CRACD: variants seen among roughly 807,000 people sequenced by gnomAD.
CRACD encodes the protein capping protein inhibiting regulator of actin dynamics, also known as capping protein-inhibiting regulator of actin dynamics.
CRACD carries 56 observed loss-of-function variants against 106.8 expected under a neutral mutation model. The ratio of observed to expected loss-of-function variants is 0.52; its 90% CI spans 0.42 to 0.66. CRACD has a LOEUF of 0.66. CRACD is among the 30% of genes least tolerant of loss of function. CRACD has a pLI of 0.00. For synonymous variants in CRACD, 754 were observed against 670.8 expected (o/e 1.12, Z -1.92); for missense variants, 1,730 against 1,623.2 (o/e 1.07, Z -1.13).
intron 2 of CRACD, among the ~76,000 whole-genome samples, chr4:56,245,695 G>T (rs1222090534): frequency 6.6e-6 from 1 of 152,184 alleles, no homozygotes; most frequent in Non-Finnish European, 1.5e-5. Context: ...CTTTGGCTGG[G>T]ACAAACTGTT....
At chr4:56,086,538 A>G (rs1733225310) in intron 1 of CRACD, among the ~76,000 whole-genome samples, 1 of 152,118 alleles carries the variant, frequency 6.6e-6, no homozygotes, top group East Asian at 1.9e-4. Flanking sequence ...GAATATGCTG[A>G]CATTTTTGTT....
intron 2 of CRACD, among the ~76,000 whole-genome samples, chr4:56,227,622 C>A (rs4865068): frequency 0.13 from 20,190 of 152,074 alleles, 2,215 homozygotes; most frequent in East Asian, 0.58. Context: ...GCCACATAGA[C>A]CGGCTGCAGC....
At chr4:56,208,919 A>C (rs1738264711) in intron 2 of CRACD, among the ~76,000 whole-genome samples, 1 of 152,202 alleles carries the variant, frequency 6.6e-6, no homozygotes, top group Admixed American at 6.5e-5. Context: ...GAGGAGACGC[A>C]GTTTTCCAAA....
intron 1 of CRACD, among the ~76,000 whole-genome samples, chr4:56,124,834 G>A (rs1734607321): frequency 6.6e-6 from 1 of 152,130 alleles, no homozygotes. Flanking sequence ...GGGGATAGTA[G>A]AACAATTGTG....
intron 1 of CRACD, among the ~76,000 whole-genome samples, chr4:56,147,075 C>A (rs1735413660): frequency 6.6e-6 from 1 of 152,118 alleles, no homozygotes; most frequent in Admixed American, 6.5e-5. Flanking sequence ...TTTGCATCAT[C>A]CTGACTTAGG....
chr4:56,217,387 C>G (rs560820126), intron 2 of CRACD, among the ~76,000 whole-genome samples: 1 of 126,782 alleles, frequency 7.9e-6, no homozygotes, highest in South Asian at 2.8e-4. Flanking sequence ...AGATATCAAT[C>G]AATACATGTA....
At chr4:56,195,467 A>C (rs1364253896) in intron 2 of CRACD, among the ~76,000 whole-genome samples, 1 of 152,192 alleles carries the variant, frequency 6.6e-6, no homozygotes, top group Non-Finnish European at 1.5e-5. Flanking sequence ...GAAGGTATTA[A>C]GACAATTTAG....
rs1448075943 is a variant in CRACD, at chr4:56,068,197, ACAAAGAG to A, written c.-336+18900_-336+18906del. ...GCGTCTCTGAGAAGCTGACATTCGA[ACAAAGAG>A]CTGCAGGCAGTAGAAGAGCAAGAAG... On this transcript the variant is annotated intron_variant, in intron 1 of 10. Transcript: ENST00000682029. Among the ~76,000 whole-genome samples, 11 of 152,306 alleles carry A rather than the reference ACAAAGAG, an allele frequency of 7.2e-5. No individual in the cohort carries two copies. In the South Asian group the frequency reaches 8.3e-4, roughly 11 times the overall value.
rs972584567 is a variant in CRACD at position 56,234,633 on chromosome 4, G to GAA, written c.-188-37687_-188-37686dup. 9.7e-4 allele frequency among the ~76,000 whole-genome samples: 148 copies of GAA among 152,220 alleles called. 1 individual carries two copies. The highest frequency in any genetic ancestry group is 3.3e-3 in the African/African-American group (137 of 41,546). On this transcript the variant is annotated intron_variant, in intron 2 of 10. Transcript: ENST00000682029. ...AGAAAATAGTGAAACAAAGCTTAGA[G>GAA]AAGAATGATTAAAGAGTCAACCAAG...
intron 2 of CRACD, among the ~76,000 whole-genome samples, chr4:56,206,224 A>G (rs1189490339): frequency 1.3e-5 from 2 of 152,236 alleles, no homozygotes; most frequent in African/African-American, 4.8e-5. Flanking sequence ...CATAAATAAC[A>G]TAATTTATTT....
chr4:56,255,439 A>G (rs1205683584), intron 2 of CRACD, among the ~76,000 whole-genome samples: 1 of 151,976 alleles, frequency 6.6e-6, no homozygotes, highest in African/African-American at 2.4e-5. Context: ...AATTTTTAAC[A>G]GTTCATGGTT....
intron 10 of CRACD, among the ~76,000 whole-genome samples, chr4:56,326,803 G>A (rs1195446105): frequency 4.6e-5 from 7 of 151,072 alleles, no homozygotes; most frequent in South Asian, 2.1e-4. Flanking sequence ...GCAGTGGTGC[G>A]ATGTCGATTC....
At chr4:56,065,151 G>C (rs763062206) in intron 1 of CRACD, among the ~76,000 whole-genome samples, 2 of 151,758 alleles carry the variant, frequency 1.3e-5, no homozygotes, top group Admixed American at 1.3e-4. Context: ...GCAATGACAT[G>C]ATCTCAGCTC....
chr4:56,225,239 G>A (rs1040944635), intron 2 of CRACD, among the ~76,000 whole-genome samples: 6 of 151,956 alleles, frequency 3.9e-5, no homozygotes, highest in African/African-American at 1.2e-4. Flanking sequence ...ATTATAGTAC[G>A]TACCACCATG....
chr4:56,216,463 C>T (rs1266414048), intron 2 of CRACD, among the ~76,000 whole-genome samples: 1 of 152,064 alleles, frequency 6.6e-6, no homozygotes, highest in Non-Finnish European at 1.5e-5. Flanking sequence ...ACAGCTGTTC[C>T]AATCTCATCT....
chr4:56,070,074 AAAAG>A (rs1417671609), intron 1 of CRACD, among the ~76,000 whole-genome samples: 4 of 152,216 alleles, frequency 2.6e-5, no homozygotes, highest in African/African-American at 9.6e-5. Context: ...CAGCTACACA[AAAAG>A]AAAGAAAAAT....
intron 1 of CRACD, among the ~76,000 whole-genome samples, chr4:56,150,735 A>G (rs1051471877): frequency 2.0e-5 from 3 of 152,192 alleles, no homozygotes; most frequent in Non-Finnish European, 4.4e-5. Context: ...CATTTGCATT[A>G]CTATATGGTA....
chr4:56,076,032 A>G (rs1249799986), intron 1 of CRACD, among the ~76,000 whole-genome samples: 2 of 152,204 alleles, frequency 1.3e-5, no homozygotes, highest in African/African-American at 4.8e-5. Context: ...TCAAATTCGT[A>G]TGTTGAAATC....
At chr4:56,085,714 C>T (rs144129720) in intron 1 of CRACD, among the ~76,000 whole-genome samples, 13 of 152,244 alleles carry the variant, frequency 8.5e-5, no homozygotes, top group African/African-American at 3.1e-4. Flanking sequence ...GCTGCATCTG[C>T]CCCCTTGCCT....
Sources: allele counts gnomAD v4.1 joint callset (sites outside exome capture counted in the v4.1 genomes callset), GRCh38; gene constraint gnomAD v4.1.1; transcripts MANE v1.5; gene names NCBI Gene and HGNC (gene_info 2026-07-23, HGNC 2026-07-21).